Variants in LEKR1 observed in about 807,000 individuals in gnomAD.
LEKR1 encodes the protein leucine, glutamate and lysine rich 1, also known as protein LEKR1.
Under a neutral mutation model 72.4 loss-of-function variants are expected in LEKR1, and 59 were observed. The ratio of observed to expected loss-of-function variants is 0.82; its 90% CI spans 0.66 to 1.01. The LOEUF is 1.01. Ranked by LOEUF, LEKR1 falls within the 50% of genes least tolerant of loss-of-function variation. The pLI, the probability that LEKR1 is intolerant of heterozygous loss-of-function variation, is 0.00. For missense variants in LEKR1, 728 were observed against 759.2 expected, an observed-to-expected ratio of 0.96 and a Z score of 0.48; for synonymous variants, 257 against 263.2, an observed-to-expected ratio of 0.98 and a Z score of 0.23.
At chr3:156,854,692 C>T (rs1715828716) in intron 3 of LEKR1, among the ~76,000 whole-genome samples, 1 of 151,700 alleles carries the variant, frequency 6.6e-6, no homozygotes, top group African/African-American at 2.4e-5. Flanking sequence ...AGGTGCACAC[C>T]ACCATGCCTG....
At chr3:156,983,095 C>A (rs1730375880) in intron 7 of LEKR1, among the ~76,000 whole-genome samples, 1 of 152,056 alleles carries the variant, frequency 6.6e-6, no homozygotes, top group Non-Finnish European at 1.5e-5. Context: ...AGCATTTCTG[C>A]AATTATACAG....
chr3:156,920,735 A>T (rs936813987), intron 4 of LEKR1, 41 bp downstream of exon 4: 2 of 1,106,984 alleles, frequency 1.8e-6, no homozygotes, highest in Admixed American at 5.7e-5. Flanking sequence ...TTGAAAAGAT[A>T]TGCTTAATAC....
intron 3 of LEKR1, among the ~76,000 whole-genome samples, chr3:156,886,144 G>C (rs1720040471): frequency 6.6e-6 from 1 of 152,230 alleles, no homozygotes; most frequent in Non-Finnish European, 1.5e-5. Context: ...ACCACTGTGG[G>C]GGAGGGGGGT....
intron 10 of LEKR1, among the ~76,000 whole-genome samples, chr3:157,012,665 G>A (rs912373470): frequency 6.6e-6 from 1 of 152,060 alleles, no homozygotes; most frequent in Non-Finnish European, 1.5e-5. Flanking sequence ...ACACAGTCAC[G>A]AAATAATAAA....
At chr3:156,892,258 A>G (rs1490810937) in intron 3 of LEKR1, among the ~76,000 whole-genome samples, 1 of 152,156 alleles carries the variant, frequency 6.6e-6, no homozygotes, top group Non-Finnish European at 1.5e-5. Flanking sequence ...AATTGATGTT[A>G]TATATCAATG....
chr3:157,014,014 A>G (rs1733110094), intron 10 of LEKR1, among the ~76,000 whole-genome samples: 1 of 152,234 alleles, frequency 6.6e-6, no homozygotes, highest in Non-Finnish European at 1.5e-5. Context: ...CTACGTATTT[A>G]CTAATTGTCA....
At chr3:157,044,614 G>T (rs1291091016) in intron 12 of LEKR1, among the ~76,000 whole-genome samples, 1 of 152,170 alleles carries the variant, frequency 6.6e-6, no homozygotes, top group Non-Finnish European at 1.5e-5. Context: ...ATAAAAGGCA[G>T]TTCTGCTCAA....
At chr3:156,973,931 G>A (rs920515805) in intron 6 of LEKR1, among the ~76,000 whole-genome samples, 3 of 152,132 alleles carry the variant, frequency 2.0e-5, no homozygotes, top group Admixed American at 6.6e-5. Flanking sequence ...AGTGAAGTAG[G>A]AATGTAAGCT....
chr3:156,877,784 A>C (rs1025367784), intron 3 of LEKR1, among the ~76,000 whole-genome samples: 11 of 150,952 alleles, frequency 7.3e-5, no homozygotes, highest in African/African-American at 2.2e-4. Flanking sequence ...ATTTTTATTT[A>C]TTTATTTATT....
chr3:157,001,037 A>C (rs1162661492), intron 9 of LEKR1, among the ~76,000 whole-genome samples: 1 of 152,050 alleles, frequency 6.6e-6, no homozygotes. Flanking sequence ...TTCTGCCATG[A>C]TTTGCCATAA....
intron 5 of LEKR1, among the ~76,000 whole-genome samples, chr3:156,941,487 A>G (rs1726197956): frequency 6.6e-6 from 1 of 151,950 alleles, no homozygotes; most frequent in African/African-American, 2.4e-5. Flanking sequence ...TGTCCTATGT[A>G]TCTCTACTTG....
chr3:156,932,239 A>G lies in LEKR1; in HGVS notation c.559+4635A>G, dbSNP rs527289280. 1.2e-4 allele frequency among the ~76,000 whole-genome samples: 18 copies of G among 152,092 alleles called. No homozygotes were observed. The East Asian group carries it at 2.3e-3, about 20-fold the overall frequency. Reference sequence around the variant, plus strand: ...CTTCTCTATATGTTTTAAAACTTTCATAGTTAAATATTGGAAAAAAATCAT... The same window carrying G: ...CTTCTCTATATGTTTTAAAACTTTCGTAGTTAAATATTGGAAAAAAATCAT... On this transcript the variant is annotated intron_variant, in intron 5 of 12. Coordinates refer to ENST00000356539, the MANE Select transcript of LEKR1 (RefSeq NM_001004316.3).
intron 2 of LEKR1, among the ~76,000 whole-genome samples, chr3:156,851,463 A>T (rs536095675): frequency 6.6e-6 from 1 of 152,338 alleles, no homozygotes; most frequent in African/African-American, 2.4e-5. Flanking sequence ...ATAGGCAACA[A>T]CATATTTAAG....
chr3:156,999,781 G>A (rs1462095205), intron 9 of LEKR1, among the ~76,000 whole-genome samples: 1 of 152,144 alleles, frequency 6.6e-6, no homozygotes, highest in Admixed American at 6.5e-5. Context: ...CTGGTTAGCA[G>A]AGCTGTGGCC....
intron 6 of LEKR1, among the ~76,000 whole-genome samples, chr3:156,956,141 AC>A (rs1365012695): frequency 4.6e-5 from 7 of 151,928 alleles, no homozygotes; most frequent in Non-Finnish European, 1.0e-4. Flanking sequence ...GTGGTTAGGA[AC>A]CCAGTAAAGG....
At chr3:156,970,218 G>A (rs1222544793) in intron 6 of LEKR1, among the ~76,000 whole-genome samples, 4 of 152,170 alleles carry the variant, frequency 2.6e-5, no homozygotes, top group African/African-American at 4.8e-5. Flanking sequence ...GCACAAGACA[G>A]GGATGCCCTC....
intron 6 of LEKR1, chr3:156,977,668 G>T: frequency 4.0e-6 from 1 of 251,696 alleles, no homozygotes; most frequent in Non-Finnish European, 8.4e-6. Flanking sequence ...CCCTACAAAT[G>T]TACATGGGAT....
At chr3:156,892,398 TA>T (rs773294907) in intron 3 of LEKR1, among the ~76,000 whole-genome samples, 3 of 152,174 alleles carry the variant, frequency 2.0e-5, no homozygotes, top group Non-Finnish European at 4.4e-5. Flanking sequence ...TTTTCTTGGG[TA>T]AATTCTGGTA....
chr3:156,927,368 G>T, intron 4 of LEKR1, 61 bp from the exon 5 acceptor site: 2 of 672,314 alleles, frequency 3.0e-6, no homozygotes, highest in East Asian at 1.1e-4. Flanking sequence ...AACTATTTTT[G>T]AAGAAATGTT....
Sources: gnomAD v4.1 joint callset for allele counts (sites outside exome capture counted in the v4.1 genomes callset) on GRCh38, gnomAD v4.1.1 for gene constraint, MANE v1.5 for transcripts, NCBI Gene and HGNC (gene_info 2026-07-23, HGNC 2026-07-21) for gene names.